The following HMCN2 variants were observed in gnomAD, a reference collection of about 807,000 sequenced individuals.
HMCN2 encodes the protein hemicentin 2, also known as hemicentin-2.
A neutral mutation model predicts 377.5 loss-of-function variants in HMCN2; 325 were observed. The ratio of observed to expected loss-of-function variants is 0.86; its 90% CI spans 0.79 to 0.94. HMCN2 has a LOEUF of 0.94. Among genes scored for constraint, HMCN2 ranks in the 40% least tolerant of loss-of-function variants. The probability of loss-of-function intolerance (pLI) is 0.00; values close to 1 mark genes in which losing one functional copy is unlikely to be tolerated. For synonymous variants in HMCN2, 2,007 were observed against 2,046.8 expected, an observed-to-expected ratio of 0.98 and a Z score of 0.53; for missense variants, 4,543 against 4,725.3, an observed-to-expected ratio of 0.96 and a Z score of 1.13.
intron 1 of HMCN2, among the ~76,000 whole-genome samples, chr9:130,277,189 C>A (rs186759152): frequency 4.9e-3 from 754 of 152,370 alleles, no homozygotes; most frequent in Non-Finnish European, 7.9e-3. Context: ...TGGAAAAAAC[C>A]CCGCCTGTGG....
At chr9:130,290,121 C>T (rs535681365) in intron 4 of HMCN2, among the ~76,000 whole-genome samples, 21 of 152,340 alleles carry the variant, frequency 1.4e-4, no homozygotes, top group Non-Finnish European at 2.9e-5. Flanking sequence ...GCCCCTCTAA[C>T]ATCTGGAAGC....
intron 62 of HMCN2, 143 bp downstream of exon 62, chr9:130,388,683 C>T (rs991560200): frequency 1.5e-5 from 5 of 326,034 alleles, no homozygotes; most frequent in South Asian, 1.2e-4. Flanking sequence ...CCCCCCCCCC[C>T]ACCATTTGTG....
At position 130,425,980 on chromosome 9, in the gene HMCN2, G is replaced by A. The variant is rs573208485; in HGVS notation, c.13879+56G>A. ...CTGCCCCAGCTAAAACCTGCCAGGG[G>A]GCCCAAATGCACGTGGCTGGAATCC... On this transcript the variant is annotated intron_variant, in intron 90 of 97. Transcript: ENST00000683500. The A allele has an allele frequency of 2.4e-4, 322 of 1,324,690 alleles. No homozygotes were observed. The African/African-American group carries it at 4.4e-3, about 18-fold the overall frequency. The allele number at this position is 1,324,690 out of a possible 1,614,324, so 82.1% of individuals were successfully genotyped here.
intron 53 of HMCN2, among the ~76,000 whole-genome samples, chr9:130,378,314 T>A: frequency 8.8e-6 from 1 of 114,058 alleles, no homozygotes; most frequent in African/African-American, 3.4e-5. Context: ...GAGGCTGGGA[T>A]GAGGAGGCTG....
Position 130,398,630 on chromosome 9 carries a change from C to T in HMCN2, c.11406C>T (p.Ser3802=), listed in dbSNP as rs900247494. The change falls in exon 75 of 98, where the codon AGC becomes AGT. Residue 3802 remains serine (S), a synonymous_variant. Coordinates refer to ENST00000683500, the MANE Select transcript of HMCN2 (RefSeq NM_001291815.2). ...HTPALLPCEA[S]GSPKPLVVWW... Reference sequence around the variant, plus strand: ...CAGCCTTGCTGCCCTGCGAGGCCAGCGGCTCCCCTAAGCCCCTGGTGGTCT... The same window carrying T: ...CAGCCTTGCTGCCCTGCGAGGCCAGTGGCTCCCCTAAGCCCCTGGTGGTCT... The T allele has an allele frequency of 2.3e-5, 30 of 1,288,730 alleles. No individual in the cohort carries two copies. The Admixed American group carries it at 3.4e-4, about 15-fold the overall frequency. The allele number at this position is 1,288,730 out of a possible 1,614,324, so 79.8% of individuals were successfully genotyped here.
At chr9:130,407,479 G>T in intron 82 of HMCN2, 92 bp from the exon 83 acceptor site, 1 of 1,145,996 alleles carries the variant, frequency 8.7e-7, no homozygotes, top group Non-Finnish European at 1.1e-6. Flanking sequence ...ATCTGTTTCT[G>T]CATTTTTATT....
chr9:130,300,791 G>T (rs72761260), intron 8 of HMCN2, among the ~76,000 whole-genome samples: 13,737 of 152,228 alleles, frequency 0.09, 676 homozygotes, highest in Middle Eastern at 0.14. Context: ...TGTCCCTGAG[G>T]TCTCACCGTT....
chr9:130,372,223 A>T, intron 46 of HMCN2, 71 bp from the exon 47 acceptor site: 1 of 435,572 alleles, frequency 2.3e-6, no homozygotes, highest in Non-Finnish European at 3.1e-6. Flanking sequence ...CCTGCTGGGC[A>T]GCAGGGGGCT....
chr9:130,325,529 AC>A (rs1838087419), intron 19 of HMCN2, 65 bp from the exon 20 acceptor site: 1 of 152,100 alleles, frequency 6.6e-6, no homozygotes, highest in South Asian at 2.1e-4. Flanking sequence ...GGCTGTTTCT[AC>A]CTTTTGGCCA....
chr9:130,292,985 TCTATCTATCTATCTAC>T (rs1342331823), intron 4 of HMCN2, among the ~76,000 whole-genome samples: 19 of 124,048 alleles, frequency 1.5e-4, no homozygotes, highest in East Asian at 5.2e-4. Context: ...TATCTATCTA[TCTATCTATCTATCTAC>T]CTACCTACCT....
rs968169505 is a variant in HMCN2, at chr9:130,430,557, G to A, written c.14600G>A (p.Arg4867Gln). The A allele has an allele frequency of 2.1e-5, 32 of 1,550,370 alleles. No individual in the cohort carries two copies. The highest frequency in any genetic ancestry group is 3.9e-5 in the Admixed American group (2 of 50,976). The change falls in exon 95 of 98, where the codon CGG (arginine) becomes CAG (glutamine). Residue 4867 changes from arginine to glutamine, a missense_variant. By Grantham distance (43) the Arg-to-Gln change is conservative. This residue lies in a region of HMCN2 where 1,155 missense variants were observed against 1,157.7 expected (regional missense o/e 1.00). Transcript: ENST00000683500. ...PGPMALSSVG[R>Q]AWCPPGFIRQ... is the part of the protein sequence containing the mutation. ...CCCATGGCCCTGAGCAGTGTGGGCCGGGCCTGGTGCCCTCCTGGTTTCATC... is the reference window on the plus strand; with the variant it reads ...CCCATGGCCCTGAGCAGTGTGGGCCAGGCCTGGTGCCCTCCTGGTTTCATC...
At chr9:130,311,530 G>A (rs1352209284) in intron 15 of HMCN2, among the ~76,000 whole-genome samples, 1 of 152,198 alleles carries the variant, frequency 6.6e-6, no homozygotes, top group East Asian at 1.9e-4. Context: ...AGAGAGAACA[G>A]AGGACAGGGA....
Position 130,430,955 on chromosome 9 carries a change from G to A in HMCN2, c.14647+351G>A, listed in dbSNP as rs558292844. ...CAGTCAGGGAGGGAGATTTTCAGGG[G>A]TGAAGGAGAATGTTCCAGGTAGACA... On this transcript the variant is annotated intron_variant, in intron 95 of 97. Transcript: ENST00000683500. The A allele has an allele frequency of 6.2e-4, 202 of 324,710 alleles. No homozygotes were observed. The Middle Eastern group carries it at 8.0e-3, about 13-fold the overall frequency. 20.1% of individuals were successfully genotyped at this position (324,710 alleles called of 1,614,324 possible).
intron 31 of HMCN2, among the ~76,000 whole-genome samples, chr9:130,353,972 C>T (rs1839881682): frequency 6.6e-6 from 1 of 152,098 alleles, no homozygotes; most frequent in Admixed American, 6.5e-5. Flanking sequence ...ACTGGAACCT[C>T]AAAGGGCAGC....
chr9:130,397,653 T>C lies in HMCN2; in HGVS notation c.11324T>C (p.Leu3775Ser), dbSNP rs1192141470. 5 of 1,289,732 alleles carry C rather than the reference T, an allele frequency of 3.9e-6. No homozygotes were observed. The highest frequency in any genetic ancestry group is 3.0e-5 in the African/African-American group (2 of 65,982). 79.9% of individuals were successfully genotyped at this position (1,289,732 alleles called of 1,614,324 possible). A position where few individuals can be genotyped will look rare whatever the true frequency, so the allele number is the denominator to read the frequency against. ...CGTCAAGGCCGTGACCTACGGGTCT[T>C]GGGTAGGTGGCCTGGGGAAGGCCTT... is the stretch of plus-strand genomic sequence containing the variant. ...SDRQGRDLRV[L>S]EPPAIAPSPS... The change falls in exon 74 of 98, where the codon TTG (leucine) becomes TCG (serine). Residue 3775 changes from leucine (L) to serine (S), a missense_variant and splice_region_variant. Leu to Ser is a moderately radical substitution (Grantham distance 145, BLOSUM62 -2). Coordinates refer to ENST00000683500, the MANE Select transcript of HMCN2 (RefSeq NM_001291815.2).
chr9:130,429,831 C>T (rs1352709664), intron 94 of HMCN2, 146 bp downstream of exon 94: 22 of 1,390,922 alleles, frequency 1.6e-5, no homozygotes, highest in East Asian at 5.2e-5. Flanking sequence ...GTCTAAGGCG[C>T]CAGTGCTGTT....
At position 130,334,792 on chromosome 9, in the gene HMCN2, T is replaced by C. The variant is rs900186273; in HGVS notation, c.3360-3102T>C. On this transcript the variant is annotated intron_variant, in intron 22 of 97. Coordinates refer to ENST00000683500, the MANE Select transcript of HMCN2 (RefSeq NM_001291815.2). ...CTCTCTCTCTCTCCCTCTTCCTCTCTCTCTCTCTTCTCTCTCTCTCTCTCC... is the reference window on the plus strand; with the variant it reads ...CTCTCTCTCTCTCCCTCTTCCTCTCCCTCTCTCTTCTCTCTCTCTCTCTCC... 2.0e-3 allele frequency among the ~76,000 whole-genome samples: 305 copies of C among 149,606 alleles called. 2 individuals are homozygous for C. The highest frequency in any genetic ancestry group is 0.014 in the Middle Eastern group (4 of 294).
intron 14 of HMCN2, among the ~76,000 whole-genome samples, chr9:130,309,560 C>T (rs1363722177): frequency 8.0e-5 from 12 of 149,178 alleles, no homozygotes; most frequent in African/African-American, 2.0e-4. Flanking sequence ...AAAATGATGG[C>T]GGGCTCAGGG....
In HMCN2 at chr9:130,394,217, C is replaced by T. The variant is rs1348132802; in HGVS notation, c.10502-168C>T. Among the ~76,000 whole-genome samples the T allele has an allele frequency of 7.2e-5, 11 of 152,160 alleles. No individual in the cohort carries two copies. Among genetic ancestry groups the T allele is most frequent in the Non-Finnish European group, 1.5e-4 (10 of 68,004 alleles). On this transcript the variant is annotated intron_variant, in intron 68 of 97. Transcript: ENST00000683500. The surrounding 1 kb of genome is among the most constrained non-coding windows in gnomAD (Gnocchi z 5.1). ...GTGGGTGGCCGGGCTTTGATTCTCC[C>T]AGGGCTGTGCTCCTGGTTTCTTTCC...
Sources: gnomAD v4.1 joint callset for allele counts (sites outside exome capture counted in the v4.1 genomes callset) on GRCh38, gnomAD v4.1.1 for gene constraint, gnomAD v4.1.1 regional missense constraint, Gnocchi (gnomAD v3.1) non-coding constraint, MANE v1.5 for transcripts, NCBI Gene and HGNC (gene_info 2026-07-23, HGNC 2026-07-21) for gene names.